Variants in MAGT1 observed in about 807,000 individuals in gnomAD.
MAGT1 encodes the protein magnesium transporter 1.
Under a neutral mutation model 28.4 loss-of-function variants are expected in MAGT1, and 4 were observed. That is an observed-to-expected ratio of 0.14 (90% CI 0.07 to 0.32). The LOEUF is 0.32. Among genes scored for constraint, MAGT1 ranks in the 10% least tolerant of loss-of-function variants. The probability of loss-of-function intolerance (pLI) is 1.00; values close to 1 mark genes in which losing one functional copy is unlikely to be tolerated. For missense variants in MAGT1, 193 were observed against 264.5 expected (o/e 0.73, Z 1.88); for synonymous variants, 89 against 89.7 (o/e 0.99, Z 0.04).
intron 7 of MAGT1, among the ~76,000 whole-genome samples, chrX:77,843,511 C>G (rs1414539148): frequency 9.9e-5 from 11 of 111,494 alleles, no homozygotes; most frequent in African/African-American, 3.6e-4. Flanking sequence ...GCTGGAATTA[C>G]AGGCGTGAAC....
chrX:77,869,102 G>A (rs781807678), intron 3 of MAGT1, among the ~76,000 whole-genome samples: 5 of 111,227 alleles, frequency 4.5e-5, no homozygotes, highest in South Asian at 3.8e-4. Context: ...TGGAACCTCC[G>A]CTTCCTGGGT....
intron 2 of MAGT1, among the ~76,000 whole-genome samples, chrX:77,873,541 T>G (rs2077025441): frequency 8.9e-6 from 1 of 112,088 alleles, no homozygotes; most frequent in Non-Finnish European, 1.9e-5. Context: ...TGTTTTTATT[T>G]AACAGAATAG....
At chrX:77,853,055 T>C (rs1159060567) in intron 7 of MAGT1, among the ~76,000 whole-genome samples, 2 of 112,217 alleles carry the variant, frequency 1.8e-5, no homozygotes, top group African/African-American at 6.5e-5. Context: ...TTCTTACTTA[T>C]CTGACATCGC....
At chrX:77,875,015 T>G (rs1180827840) in intron 2 of MAGT1, among the ~76,000 whole-genome samples, 2 of 109,253 alleles carry the variant, frequency 1.8e-5, no homozygotes, top group Non-Finnish European at 3.8e-5. Context: ...CCACAATGCC[T>G]AGCTAATTTT....
intron 7 of MAGT1, among the ~76,000 whole-genome samples, chrX:77,841,636 A>G (rs1239837027): frequency 9.1e-6 from 1 of 110,189 alleles, no homozygotes; most frequent in Non-Finnish European, 1.9e-5. Flanking sequence ...CTGGACATTC[A>G]GTTATTGCCC....
chrX:77,845,806 G>T (rs1557214844), intron 7 of MAGT1, among the ~76,000 whole-genome samples: 1 of 112,070 alleles, frequency 8.9e-6, no homozygotes, highest in Non-Finnish European at 1.9e-5. Flanking sequence ...TGAGAGATCA[G>T]CTGTTAGTCT....
At chrX:77,857,209 T>A in intron 4 of MAGT1, 148 bp downstream of exon 4, 1 of 693,459 alleles carries the variant, frequency 1.4e-6, no homozygotes, top group Admixed American at 2.4e-5. Flanking sequence ...CACTCATTCA[T>A]CAAGATGATT....
At chrX:77,888,176 T>C (rs1249515613) in intron 1 of MAGT1, among the ~76,000 whole-genome samples, 1 of 112,159 alleles carries the variant, frequency 8.9e-6, no homozygotes, top group Non-Finnish European at 1.9e-5. Flanking sequence ...GTATTGGATA[T>C]ATTTTTTATA....
At chrX:77,835,223 G>T (rs1172786496) in intron 8 of MAGT1, among the ~76,000 whole-genome samples, 1 of 110,472 alleles carries the variant, frequency 9.1e-6, no homozygotes, top group Non-Finnish European at 1.9e-5. Flanking sequence ...GCCTCCCAAA[G>T]TGCTGGGATT....
At chrX:77,882,304 C>T (rs887206204) in intron 1 of MAGT1, among the ~76,000 whole-genome samples, 1 of 111,470 alleles carries the variant, frequency 9.0e-6, no homozygotes, top group Admixed American at 9.6e-5. Context: ...CCAGGGCAAT[C>T]AGGCAGGAGA....
At chrX:77,889,522 C>T (rs1018296095) in intron 1 of MAGT1, among the ~76,000 whole-genome samples, 1 of 107,475 alleles carries the variant, frequency 9.3e-6, no homozygotes, top group Non-Finnish European at 1.9e-5. Context: ...CAGGCGCCCG[C>T]CACCACGCCC....
chrX:77,870,715 C>T (rs1557217259), intron 3 of MAGT1, 93 bp downstream of exon 3: 1 of 617,469 alleles, frequency 1.6e-6, no homozygotes, highest in African/African-American at 2.2e-5. Context: ...AAGAGCAATC[C>T]CATTTAATGT....
intron 4 of MAGT1, 91 bp from the exon 5 acceptor site, chrX:77,856,964 A>C: frequency 1.2e-6 from 1 of 851,876 alleles, no homozygotes; most frequent in Non-Finnish European, 1.7e-6. Context: ...AAGCAATCAA[A>C]ATTATTGTGG....
intron 3 of MAGT1, among the ~76,000 whole-genome samples, chrX:77,866,660 A>G (rs1262476457): frequency 7.5e-5 from 5 of 66,867 alleles, no homozygotes; most frequent in African/African-American, 1.7e-4. Context: ...CTTTAGGAGA[A>G]ACTTAGTTTA....
At chrX:77,841,545 T>C (rs1476979073) in intron 7 of MAGT1, among the ~76,000 whole-genome samples, 1 of 111,827 alleles carries the variant, frequency 8.9e-6, no homozygotes, top group African/African-American at 3.2e-5. Context: ...CAAAGAAAAA[T>C]TGATATTTTA....
At chrX:77,878,616 G>A (rs1389833730) in intron 1 of MAGT1, among the ~76,000 whole-genome samples, 2 of 106,273 alleles carry the variant, frequency 1.9e-5, no homozygotes, top group African/African-American at 3.4e-5. Context: ...ATAAAATCCC[G>A]TCTCTACTAA....
chrX:77,863,705 CA>C (rs782634662), intron 3 of MAGT1, among the ~76,000 whole-genome samples: 16 of 111,603 alleles, frequency 1.4e-4, no homozygotes, highest in Non-Finnish European at 2.6e-4. Context: ...CATCCATCAA[CA>C]GACGAACAGA....
intron 1 of MAGT1, among the ~76,000 whole-genome samples, chrX:77,891,255 T>C (rs1420777540): frequency 9.0e-6 from 1 of 111,005 alleles, no homozygotes; most frequent in East Asian, 2.8e-4. Flanking sequence ...GCTCAGTTTC[T>C]TAGAGCTGTG....
At chrX:77,865,076 T>C (rs2077004845) in intron 3 of MAGT1, among the ~76,000 whole-genome samples, 1 of 111,864 alleles carries the variant, frequency 8.9e-6, no homozygotes, top group Non-Finnish European at 1.9e-5. Context: ...ACTAACCTTT[T>C]AGGTTACAAC....
Sources: gnomAD v4.1 joint callset for allele counts (sites outside exome capture counted in the v4.1 genomes callset) on GRCh38, gnomAD v4.1.1 for gene constraint, MANE v1.5 for transcripts, NCBI Gene and HGNC (gene_info 2026-07-23, HGNC 2026-07-21) for gene names.